PRDM16: variants seen among roughly 807,000 people sequenced by gnomAD.
PRDM16 encodes the protein histone-lysine N-methyltransferase PRDM16.
PRDM16 carries 23 observed loss-of-function variants against 110.6 expected under a neutral mutation model. The observed-to-expected ratio is 0.21, with a 90% CI of 0.15 to 0.29. PRDM16 has a LOEUF of 0.29. Among genes scored for constraint, PRDM16 ranks in the 10% least tolerant of loss-of-function variants. The pLI, the probability that PRDM16 is intolerant of heterozygous loss-of-function variation, is 1.00. For missense variants in PRDM16, 1,615 were observed against 1,794.3 expected (o/e 0.90, Z 1.81); for synonymous variants, 799 against 781.8 (o/e 1.02, Z -0.37).
At chr1:3,343,678 G>A (rs1169620260) in intron 3 of PRDM16, among the ~76,000 whole-genome samples, 1 of 152,020 alleles carries the variant, frequency 6.6e-6, no homozygotes, top group Admixed American at 6.5e-5. Context: ...CTGTCACCCA[G>A]CCTGGAGTGC....
Position 3,245,102 on chromosome 1 carries a change from GCA to G in PRDM16, c.438+968_438+969del, listed in dbSNP as rs1296174100. On this transcript the variant is annotated intron_variant, in intron 3 of 16. Coordinates refer to ENST00000270722, the MANE Select transcript of PRDM16 (RefSeq NM_022114.4). This position sits in a 1 kb window ranked among gnomAD's most constrained non-coding sequence, Gnocchi z 4.7. ...GCGGGGTGCACCATGGGGGTTGCTG[GCA>G]CAGAGGAGCCAGTGCTGAGTCAGTG... Among the ~76,000 whole-genome samples the G allele has an allele frequency of 6.6e-6, 1 of 152,156 alleles. No individual in the cohort carries two copies. Among genetic ancestry groups the G allele is most frequent in the Non-Finnish European group, 1.5e-5 (1 of 68,034 alleles).
rs1343070515 is a variant in PRDM16 at position 3,380,375 on chromosome 1, C to A, written c.439-4777C>A. ...TAGGGGCCACCAGGTGTAACTCCCACCCTGTGACTATTAAATTGGTCAGGG... is the reference window on the plus strand; with the variant it reads ...TAGGGGCCACCAGGTGTAACTCCCAACCTGTGACTATTAAATTGGTCAGGG... On this transcript the variant is annotated intron_variant, in intron 3 of 16. Transcript: ENST00000270722. Among the ~76,000 whole-genome samples, 4 of 152,152 alleles carry A rather than the reference C, an allele frequency of 2.6e-5. 1 individual carries two copies. Among genetic ancestry groups the A allele is most frequent in the Admixed American group, 2.6e-4 (4 of 15,294 alleles).
intron 2 of PRDM16, among the ~76,000 whole-genome samples, chr1:3,224,476 G>C (rs1217068858): frequency 6.6e-6 from 1 of 151,934 alleles, no homozygotes; most frequent in Non-Finnish European, 1.5e-5. Context: ...CATGTGCCCA[G>C]GGCCACTCTC....
In PRDM16 at chr1:3,332,240, G is replaced by A. The variant is rs144452108; in HGVS notation, c.439-52912G>A. On this transcript the variant is annotated intron_variant, in intron 3 of 16. Transcript: ENST00000270722. ...AAGTGGTAATGAGATTCTGCCACGC[G>A]CTGTGTACTCGCTTCCGAGAAAATC... is the stretch of plus-strand genomic sequence containing the variant. Among the ~76,000 whole-genome samples, 705 of 152,396 alleles carry A rather than the reference G, an allele frequency of 4.6e-3. 5 individuals carry two copies. The highest frequency in any genetic ancestry group is 0.017 in the Middle Eastern group (5 of 294).
chr1:3,393,905 C>T (rs1643339053), intron 4 of PRDM16, among the ~76,000 whole-genome samples: 1 of 152,170 alleles, frequency 6.6e-6, no homozygotes, highest in South Asian at 2.1e-4. Flanking sequence ...CGATTAATTC[C>T]GACTGTGGCT....
chr1:3,097,149 T>C (rs1268964880), intron 1 of PRDM16, among the ~76,000 whole-genome samples: 1 of 152,098 alleles, frequency 6.6e-6, no homozygotes, highest in African/African-American at 2.4e-5. Context: ...GCCAAGGTCA[T>C]GGGCAAGGTT....
At position 3,380,162 on chromosome 1, in the gene PRDM16, C is replaced by T. The variant is rs554643087; in HGVS notation, c.439-4990C>T. Among the ~76,000 whole-genome samples the T allele has an allele frequency of 1.8e-4, 28 of 151,378 alleles. 1 individual carries two copies. Among genetic ancestry groups the T allele is most frequent in the African/African-American group, 6.5e-4 (27 of 41,254 alleles). ...CCTCCCGGTGCATGCCCTTCCGGCA[C>T]ACCCTTCTCAGCGCACTCATTGCTG... is the stretch of plus-strand genomic sequence containing the variant. On this transcript the variant is annotated intron_variant, in intron 3 of 16. Coordinates refer to ENST00000270722, the MANE Select transcript of PRDM16 (RefSeq NM_022114.4).
intron 3 of PRDM16, among the ~76,000 whole-genome samples, chr1:3,249,778 CTCTT>C: frequency 6.6e-6 from 1 of 152,372 alleles, no homozygotes; most frequent in African/African-American, 2.4e-5. Context: ...CAACATGTCT[CTCTT>C]TCCATTGTCC....
At chr1:3,327,633 T>C (rs1382250576) in intron 3 of PRDM16, among the ~76,000 whole-genome samples, 1 of 152,092 alleles carries the variant, frequency 6.6e-6, no homozygotes, top group African/African-American at 2.4e-5. Flanking sequence ...CTGAGCCTTT[T>C]CTTGGAGGCG....
At chr1:3,114,489 C>T (rs1642899069) in intron 1 of PRDM16, among the ~76,000 whole-genome samples, 2 of 149,358 alleles carry the variant, frequency 1.3e-5, no homozygotes, top group South Asian at 4.2e-4. Flanking sequence ...GACACGCACG[C>T]ACGCACACAC....
intron 3 of PRDM16, among the ~76,000 whole-genome samples, chr1:3,321,156 G>A (rs1001597125): frequency 6.6e-6 from 1 of 152,232 alleles, no homozygotes; most frequent in Non-Finnish European, 1.5e-5. Context: ...GTTGGGAGAG[G>A]GGAATCTGAG....
In PRDM16 at chr1:3,422,029, C is replaced by A. The variant is rs151064818; in HGVS notation, c.2939+3285C>A. ...GCAAACAGGCAGGAAGGCAGACAGA[C>A]AGGTAGATGGACAGATGGATGGACA... On this transcript the variant is annotated intron_variant, in intron 12 of 16. Transcript: ENST00000270722. Among the ~76,000 whole-genome samples, 53 of 145,020 alleles carry A rather than the reference C, an allele frequency of 3.7e-4. No homozygotes were observed. In the South Asian group the frequency reaches 4.4e-3, roughly 12 times the overall value.
At chr1:3,372,530 C>T (rs938555416) in intron 3 of PRDM16, among the ~76,000 whole-genome samples, 18 of 152,244 alleles carry the variant, frequency 1.2e-4, no homozygotes, top group African/African-American at 4.1e-4. Flanking sequence ...CGCCTCACCC[C>T]GGGCAAGGAG....
chr1:3,162,263 C>T (rs890948225), intron 1 of PRDM16, among the ~76,000 whole-genome samples: 2 of 152,166 alleles, frequency 1.3e-5, no homozygotes, highest in Non-Finnish European at 2.9e-5. Flanking sequence ...AGTGACTCTG[C>T]GTCCCTCCTC....
intron 3 of PRDM16, among the ~76,000 whole-genome samples, chr1:3,299,520 T>G (rs1383581390): frequency 3.0e-5 from 3 of 101,664 alleles, no homozygotes; most frequent in Admixed American, 1.0e-4. Flanking sequence ...ACTCTGCCCT[T>G]GTTGAAGATG....
chr1:3,328,903 G>C (rs1048407800), intron 3 of PRDM16, among the ~76,000 whole-genome samples: 1 of 152,148 alleles, frequency 6.6e-6, no homozygotes, highest in Non-Finnish European at 1.5e-5. Context: ...GATTCAGTGA[G>C]ACCGTGAAGC....
At chr1:3,418,085 C>T in intron 11 of PRDM16, 88 bp downstream of exon 11, 2 of 1,132,088 alleles carry the variant, frequency 1.8e-6, no homozygotes, top group East Asian at 2.5e-5. Context: ...CCAGGAAAAA[C>T]TCAGAGTCCC....
At chr1:3,070,046 C>T (rs992704519) in intron 1 of PRDM16, among the ~76,000 whole-genome samples, 7 of 151,994 alleles carry the variant, frequency 4.6e-5, no homozygotes, top group Non-Finnish European at 1.0e-4. Context: ...CCTGCGCGGG[C>T]CGCCGGGGCG....
chr1:3,270,691 C>CGGGGAGGACAGTCCCGGAGGAGGACAGTT (rs1447695378), intron 3 of PRDM16, among the ~76,000 whole-genome samples: 13 of 132,670 alleles, frequency 9.8e-5, no homozygotes, highest in African/African-American at 3.4e-4. Context: ...GGAGGACAGT[C>CGGGGAGGACAGTCCCGGAGGAGGACAGTT]GGGGAGGACA....
Sources: gnomAD v4.1 joint callset for allele counts (sites outside exome capture counted in the v4.1 genomes callset) on GRCh38, gnomAD v4.1.1 for gene constraint, Gnocchi (gnomAD v3.1) non-coding constraint, MANE v1.5 for transcripts, NCBI Gene and HGNC (gene_info 2026-07-23, HGNC 2026-07-21) for gene names.